The following IQGAP1 variants were observed in gnomAD, a reference collection of about 807,000 sequenced individuals.
IQGAP1 encodes ras GTPase-activating-like protein IQGAP1.
A neutral mutation model predicts 215.6 loss-of-function variants in IQGAP1; 66 were observed. That is an observed-to-expected ratio of 0.31 (90% confidence interval 0.25 to 0.38). IQGAP1 has a LOEUF of 0.38. IQGAP1 is among the 10% of genes least tolerant of loss of function. The pLI is 1.00. For synonymous variants in IQGAP1, 772 were observed against 728.7 expected (o/e 1.06, Z -0.96); for missense variants, 1,712 against 1,997.1 (o/e 0.86, Z 2.72).
Position 90,472,852 on chromosome 15 carries a change from G to C in IQGAP1, c.2191G>C (p.Gly731Arg), listed in dbSNP as rs572521835. The stretch of plus-strand genomic sequence containing the variant: ...ACTGCTTTTTCAGAGTTCTATCTCT[G>C]GGGTGACTGCCGCATATAACCGAGA... ...SREEIQSSIS[G>R]VTAAYNREQL... Residue 731 changes from glycine (G) to arginine (R), a missense_variant, in exon 19 of 38, where the codon GGG (glycine) becomes CGG (arginine). By Grantham distance (125) the Gly-to-Arg change is moderately radical (BLOSUM62 -2). Transcript: ENST00000268182. 1.2e-6 allele frequency: 2 copies of C among 1,610,930 alleles called. No homozygotes were observed. Among genetic ancestry groups the C allele is most frequent in the South Asian group, 1.1e-5 (1 of 90,832 alleles).
At chr15:90,436,019 A>G (rs548695962) in intron 5 of IQGAP1, among the ~76,000 whole-genome samples, 12 of 151,118 alleles carry the variant, frequency 7.9e-5, no homozygotes, top group Admixed American at 1.3e-4. Context: ...CTTTGGATCA[A>G]CAGTGACAGA....
intron 31 of IQGAP1, 63 bp from the exon 32 acceptor site, chr15:90,486,891 T>A (rs1018084338): frequency 1.3e-5 from 20 of 1,501,510 alleles, no homozygotes; most frequent in Admixed American, 3.7e-5. Flanking sequence ...ATATTTGTAT[T>A]ATTTCCCCCC....
chr15:90,413,618 C>A (rs1345668350), intron 2 of IQGAP1, among the ~76,000 whole-genome samples: 1 of 152,112 alleles, frequency 6.6e-6, no homozygotes, highest in East Asian at 1.9e-4. Flanking sequence ...TAGTTGCTTA[C>A]AAATTTTAGG....
chr15:90,492,778 A>G (rs780401193), intron 35 of IQGAP1, 67 bp downstream of exon 35: 15 of 1,340,322 alleles, frequency 1.1e-5, no homozygotes, highest in Non-Finnish European at 1.4e-5. Flanking sequence ...GAGGCAACTG[A>G]AATGACACTG....
chr15:90,441,596 T>G lies in IQGAP1; in HGVS notation c.740T>G (p.Leu247Arg), dbSNP rs758389834. The G allele has an allele frequency of 2.5e-6, 4 of 1,613,910 alleles. No homozygotes were observed. The African/African-American group carries it at 5.3e-5, about 22-fold the overall frequency. ...FAALKNPNAM[L>R]VNLEEPLAST... ...GCTTTGAAAAATCCGAATGCCATGC[T>G]TGTAAATCTTGAAGAGCCCTTGGCA... The change falls in exon 8 of 38, where the codon CTT becomes CGT. Residue 247 changes from leucine to arginine, a missense_variant. Physicochemically the swap from Leu to Arg is moderately radical, Grantham distance 102. Around this residue, in one of 2 missense-constraint regions of IQGAP1, gnomAD observed 1,021 missense variants for 1,074.2 expected, o/e 0.95. Transcript: ENST00000268182.
At chr15:90,482,137 C>T (rs1025960547) in intron 27 of IQGAP1, 37 bp downstream of exon 27, 3 of 1,613,984 alleles carry the variant, frequency 1.9e-6, no homozygotes, top group African/African-American at 2.7e-5. Flanking sequence ...CCAGTAGAAC[C>T]CAGCACTAAG....
At chr15:90,491,765 C>T in intron 34 of IQGAP1, 1 of 499,848 alleles carries the variant, frequency 2.0e-6, no homozygotes, top group Non-Finnish European at 3.6e-6. Flanking sequence ...TAACTGGAGC[C>T]TCCTATGACC....
At chr15:90,476,207 T>G (rs886253206) in intron 23 of IQGAP1, among the ~76,000 whole-genome samples, 2 of 152,154 alleles carry the variant, frequency 1.3e-5, no homozygotes, top group African/African-American at 4.8e-5. Context: ...GTGCTGGGAT[T>G]ACAGGTGTGA....
intron 2 of IQGAP1, among the ~76,000 whole-genome samples, chr15:90,422,424 G>A (rs975029477): frequency 4.2e-4 from 64 of 151,788 alleles, no homozygotes; most frequent in Non-Finnish European, 2.6e-4. Context: ...GAAGAACACC[G>A]TGCACAAAGA....
intron 2 of IQGAP1, among the ~76,000 whole-genome samples, chr15:90,419,262 A>G (rs1404015837): frequency 2.0e-5 from 3 of 152,212 alleles, no homozygotes; most frequent in East Asian, 1.9e-4. Context: ...TATCTGTAAA[A>G]TAATTACAAT....
intron 2 of IQGAP1, among the ~76,000 whole-genome samples, chr15:90,411,354 C>G (rs1292328039): frequency 6.6e-6 from 1 of 151,962 alleles, no homozygotes; most frequent in Non-Finnish European, 1.5e-5. Context: ...TCTGGGCTCA[C>G]TGCAGCCACA....
Position 90,394,372 on chromosome 15 carries a change from T to C in IQGAP1, c.155+3499T>C, listed in dbSNP as rs1033469280. On this transcript the variant is annotated intron_variant, in intron 2 of 37. Transcript: ENST00000268182. ...TTAAAAAATCAAGGTTGGAAGCACC[T>C]ATTTAGATTGTAAACTAGAGAGGAC... 9.2e-5 allele frequency among the ~76,000 whole-genome samples: 14 copies of C among 152,102 alleles called. No homozygotes were observed. In the East Asian group the frequency reaches 1.3e-3, roughly 15 times the overall value.
intron 25 of IQGAP1, among the ~76,000 whole-genome samples, 184 bp from the exon 26 acceptor site, chr15:90,477,481 A>G (rs1351524980): frequency 1.3e-5 from 2 of 151,640 alleles, no homozygotes; most frequent in African/African-American, 4.9e-5. Context: ...AAGAATTCAC[A>G]TTTTTATCTA....
At chr15:90,393,590 CCT>C (rs957321794) in intron 2 of IQGAP1, 44 of 152,332 alleles carry the variant, frequency 2.9e-4, no homozygotes, top group African/African-American at 1.1e-3. Context: ...CACTCCTCCC[CCT>C]GTTGAGAAAC....
chr15:90,399,004 CAAAAAA>C (rs771595366), intron 2 of IQGAP1, among the ~76,000 whole-genome samples: 3 of 86,934 alleles, frequency 3.5e-5, no homozygotes, highest in African/African-American at 9.2e-5. Context: ...GACATTGTCT[CAAAAAA>C]AAAAAAAAAA....
At chr15:90,458,607 CTG>C (rs1009452778) in intron 15 of IQGAP1, among the ~76,000 whole-genome samples, 6 of 152,220 alleles carry the variant, frequency 3.9e-5, no homozygotes, top group African/African-American at 1.4e-4. Context: ...GCTTAGGAAT[CTG>C]TATTTTAAAA....
rs147133449 is a variant in IQGAP1 at position 90,423,460 on chromosome 15, T to G, written c.156-2650T>G. Among the ~76,000 whole-genome samples, 1,320 of 152,294 alleles carry G rather than the reference T, an allele frequency of 8.7e-3. 37 individuals carry two copies. The East Asian group carries it at 0.11, about 12-fold the overall frequency. On this transcript the variant is annotated intron_variant, in intron 2 of 37. Transcript: ENST00000268182. ...GTTGTCCAGGCTGGTCTGGAACTCC[T>G]GACCTCAAGTGTTCGGCCTGCCTTG...
At chr15:90,404,779 C>A (rs140703631) in intron 2 of IQGAP1, among the ~76,000 whole-genome samples, 205 of 152,142 alleles carry the variant, frequency 1.3e-3, no homozygotes, top group African/African-American at 4.6e-3. Context: ...CAGGGTTTTG[C>A]CATGTTGGCC....
At chr15:90,486,826 C>T (rs971521331) in intron 31 of IQGAP1, 128 bp from the exon 32 acceptor site, 8 of 906,362 alleles carry the variant, frequency 8.8e-6, no homozygotes, top group South Asian at 3.4e-5. Context: ...AAGTTGTTCT[C>T]GTCACACTGT....
Sources: gnomAD v4.1 joint callset for allele counts (sites outside exome capture counted in the v4.1 genomes callset) on GRCh38, gnomAD v4.1.1 for gene constraint, gnomAD v4.1.1 regional missense constraint, MANE v1.5 for transcripts, NCBI Gene and HGNC (gene_info 2026-07-23, HGNC 2026-07-21) for gene names.